The following DCDC1 variants were observed in gnomAD, a reference collection of about 807,000 sequenced individuals.
DCDC1 encodes doublecortin domain-containing protein 1.
Under a neutral mutation model 178.3 loss-of-function variants are expected in DCDC1, and 200 were observed. The observed-to-expected ratio is 1.12, with a 90% confidence interval of 1.00 to 1.26. DCDC1 has a LOEUF of 1.26. DCDC1 is among the 50% of genes most tolerant of loss of function. The pLI, the probability that DCDC1 is intolerant of heterozygous loss-of-function variation, is 0.00. For synonymous variants in DCDC1, 690 were observed against 604.8 expected (o/e 1.14, Z -2.07); for missense variants, 1,983 against 1,749.2 (o/e 1.13, Z -2.38).
intron 2 of DCDC1, among the ~76,000 whole-genome samples, chr11:31,332,431 T>A (rs1024676852): frequency 6.6e-6 from 1 of 152,184 alleles, no homozygotes; most frequent in African/African-American, 2.4e-5. Flanking sequence ...CTTTTGAATT[T>A]GTTTGCTCTT....
At chr11:31,334,828 A>G (rs564863889) in intron 2 of DCDC1, among the ~76,000 whole-genome samples, 1 of 152,282 alleles carries the variant, frequency 6.6e-6, no homozygotes, top group South Asian at 2.1e-4. Flanking sequence ...CCCTGCTGGG[A>G]AGTGTCTCCC....
intron 9 of DCDC1, among the ~76,000 whole-genome samples, chr11:31,228,384 T>C (rs77084138): frequency 0.021 from 3,139 of 152,140 alleles, 97 homozygotes; most frequent in African/African-American, 0.071. Context: ...GAAAACAGCG[T>C]ACTGAAATTT....
At chr11:31,208,451 T>A (rs936829017) in intron 9 of DCDC1, among the ~76,000 whole-genome samples, 6 of 152,194 alleles carry the variant, frequency 3.9e-5, no homozygotes, top group African/African-American at 1.4e-4. Flanking sequence ...GCAAATCAAC[T>A]TCTACTGGAT....
At chr11:30,882,728 T>C (rs1942799297) in intron 36 of DCDC1, 1 of 152,014 alleles carries the variant, frequency 6.6e-6, no homozygotes, top group Non-Finnish European at 1.5e-5. Context: ...GAAATATAAA[T>C]AGAAAAATCA....
intron 20 of DCDC1, among the ~76,000 whole-genome samples, chr11:30,968,711 T>TTTTATATATATA (rs760434545): frequency 4.9e-5 from 3 of 61,046 alleles, no homozygotes; most frequent in African/African-American, 1.6e-4. Context: ...ATATATCAAA[T>TTTTATATATATA]TATATATATA....
intron 20 of DCDC1, among the ~76,000 whole-genome samples, chr11:31,004,456 G>A (rs957293450): frequency 9.9e-5 from 15 of 150,908 alleles, no homozygotes; most frequent in African/African-American, 3.2e-4. Flanking sequence ...GGAGGATCAT[G>A]AGGTCAGGAG....
intron 9 of DCDC1, among the ~76,000 whole-genome samples, chr11:31,168,804 G>A (rs780206569): frequency 1.3e-4 from 20 of 150,334 alleles, no homozygotes; most frequent in Non-Finnish European, 1.0e-4. Context: ...GTGTGTGTGT[G>A]AATTAACACA....
intron 9 of DCDC1, among the ~76,000 whole-genome samples, chr11:31,237,782 C>T (rs1976634407): frequency 6.6e-6 from 1 of 151,894 alleles, no homozygotes; most frequent in South Asian, 2.1e-4. Flanking sequence ...TTTAAGTAAT[C>T]AAATCAGCTA....
intron 7 of DCDC1, among the ~76,000 whole-genome samples, chr11:31,284,198 G>A (rs1946658954): frequency 6.6e-6 from 1 of 152,018 alleles, no homozygotes; most frequent in Admixed American, 6.6e-5. Flanking sequence ...AGGAAATAAT[G>A]GTTATGTTAA....
Position 30,878,731 on chromosome 11 carries a change from A to G in DCDC1, c.5234-20T>C, listed in dbSNP as rs79069481. The G allele has an allele frequency of 2.0e-6, 3 of 1,526,904 alleles. No individual in the cohort carries two copies. The highest frequency in any genetic ancestry group is 1.2e-5 in the South Asian group (1 of 80,404). 94.6% of individuals were successfully genotyped at this position (1,526,904 alleles called of 1,614,324 possible). ...TTAACTCTGTTAAAAAAAAAAAAAA[A>G]AGAAGTTGAGAGACAAGTCAATGTT... is the stretch of plus-strand genomic sequence containing the variant. On this transcript the variant is annotated intron_variant, in intron 37 of 38. Coordinates refer to ENST00000684477, the MANE Select transcript of DCDC1 (RefSeq NM_001387274.1).
intron 9 of DCDC1, among the ~76,000 whole-genome samples, chr11:31,168,485 T>A (rs559138691): frequency 6.6e-6 from 1 of 152,344 alleles, no homozygotes; most frequent in South Asian, 2.1e-4. Flanking sequence ...TCTGGTATAT[T>A]CCTGCCCTTA....
chr11:31,042,769 C>A (rs937229523), intron 20 of DCDC1, among the ~76,000 whole-genome samples: 3 of 152,246 alleles, frequency 2.0e-5, no homozygotes, highest in Middle Eastern at 3.4e-3. Flanking sequence ...GGCAACCTGA[C>A]CTTAGTTTCT....
At chr11:31,050,483 C>T (rs894357401) in intron 20 of DCDC1, among the ~76,000 whole-genome samples, 7 of 152,180 alleles carry the variant, frequency 4.6e-5, no homozygotes, top group African/African-American at 1.2e-4. Flanking sequence ...CATCGCCAGT[C>T]GCTCTCCACA....
At chr11:30,896,174 T>C (rs1046899675) in intron 34 of DCDC1, among the ~76,000 whole-genome samples, 32 of 152,242 alleles carry the variant, frequency 2.1e-4, no homozygotes, top group African/African-American at 7.7e-4. Context: ...ATAACATAAA[T>C]TGAAACCATG....
At chr11:31,175,120 C>G (rs1005907606) in intron 9 of DCDC1, among the ~76,000 whole-genome samples, 1 of 152,224 alleles carries the variant, frequency 6.6e-6, no homozygotes, top group African/African-American at 2.4e-5. Context: ...GTGACACCCT[C>G]TTTGAGGCAC....
chr11:31,100,199 T>C (rs1481059746), intron 15 of DCDC1, among the ~76,000 whole-genome samples: 1 of 152,148 alleles, frequency 6.6e-6, no homozygotes, highest in African/African-American at 2.4e-5. Flanking sequence ...AATAACAATC[T>C]GGCTTGGCTA....
At chr11:30,938,342 C>T (rs992632079) in intron 21 of DCDC1, among the ~76,000 whole-genome samples, 8 of 152,090 alleles carry the variant, frequency 5.3e-5, no homozygotes, top group African/African-American at 1.4e-4. Context: ...TCTGCAAAGA[C>T]GGACAGCTCT....
chr11:31,355,729 G>A (rs1475720671), intron 1 of DCDC1, among the ~76,000 whole-genome samples: 5 of 151,818 alleles, frequency 3.3e-5, no homozygotes, highest in Non-Finnish European at 5.9e-5. Flanking sequence ...CACCACGCCC[G>A]GCTAATTTTT....
At chr11:31,224,403 A>C (rs1200126969) in intron 9 of DCDC1, among the ~76,000 whole-genome samples, 1 of 152,066 alleles carries the variant, frequency 6.6e-6, no homozygotes, top group Admixed American at 6.6e-5. Context: ...TGAAACCATA[A>C]AAATTCTAGA....
Sources: gnomAD v4.1 joint callset for allele counts (sites outside exome capture counted in the v4.1 genomes callset) on GRCh38, gnomAD v4.1.1 for gene constraint, MANE v1.5 for transcripts, NCBI Gene and HGNC (gene_info 2026-07-23, HGNC 2026-07-21) for gene names.